Variants in ERBIN observed in about 807,000 individuals in gnomAD.
ERBIN encodes erbb2 interacting protein.
ERBIN carries 60 observed loss-of-function variants against 158.4 expected under a neutral mutation model. The ratio of observed to expected loss-of-function variants is 0.38; its 90% confidence interval spans 0.31 to 0.47. ERBIN has a LOEUF of 0.47. Ranked by LOEUF, ERBIN falls within the 20% of genes least tolerant of loss-of-function variation. The probability of loss-of-function intolerance (pLI) is 0.99; values close to 1 mark genes in which losing one functional copy is unlikely to be tolerated. For missense variants in ERBIN, 1,610 were observed against 1,648.0 expected, an observed-to-expected ratio of 0.98 and a Z score of 0.40; for synonymous variants, 594 against 557.2, an observed-to-expected ratio of 1.07 and a Z score of -0.93.
At chr5:65,996,560 TC>T (rs1251518288) in intron 4 of ERBIN, among the ~76,000 whole-genome samples, 1 of 152,158 alleles carries the variant, frequency 6.6e-6, no homozygotes, top group Non-Finnish European at 1.5e-5. Context: ...TATTGTGAAG[TC>T]GGGTGTGATG....
intron 14 of ERBIN, among the ~76,000 whole-genome samples, chr5:66,029,200 C>A (rs564411472): frequency 2.6e-5 from 4 of 152,000 alleles, no homozygotes; most frequent in African/African-American, 9.7e-5. Flanking sequence ...TATGATAGTT[C>A]CATTTTAAAT....
intron 1 of ERBIN, among the ~76,000 whole-genome samples, chr5:65,983,315 A>G (rs1750850487): frequency 6.6e-6 from 1 of 152,150 alleles, no homozygotes; most frequent in Non-Finnish European, 1.5e-5. Context: ...TATATGTTGT[A>G]GGCATATCAC....
intron 1 of ERBIN, among the ~76,000 whole-genome samples, chr5:65,931,819 CTTTTTTTT>C (rs36048820): frequency 1.5e-5 from 2 of 131,938 alleles, no homozygotes; most frequent in Non-Finnish European, 3.2e-5. Context: ...TCTTTTCTTT[CTTTTTTTT>C]TTTTTTTTTG....
chr5:65,958,090 C>T (rs909922824), intron 1 of ERBIN, among the ~76,000 whole-genome samples: 7 of 151,870 alleles, frequency 4.6e-5, no homozygotes, highest in African/African-American at 1.7e-4. Context: ...CTCCTTACTT[C>T]CTAGATGGGA....
Position 66,018,567 on chromosome 5 carries a change from T to TTATATATTATATATTA in ERBIN, c.534-2750_534-2749insATTATATATTATATAT, listed in dbSNP as rs370551332. Reference sequence around the variant, plus strand: ...TATATTATATATTATATAATATATATTATATTATATAATATATATTATATA... The same window carrying TTATATATTATATATTA: ...TATATTATATATTATATAATATATATTATATATTATATATTATATATTATATAATATATATTATATA... On this transcript the variant is annotated intron_variant, in intron 7 of 25. Transcript: ENST00000284037. Among the ~76,000 whole-genome samples the TTATATATTATATATTA allele has an allele frequency of 3.0e-4, 3 of 9,898 alleles. 1 individual carries two copies. The highest frequency in any genetic ancestry group is 8.7e-4 in the Non-Finnish European group (3 of 3,450). The allele number at this position is 9,898 out of a possible 152,430, so 6.5% of individuals were successfully genotyped here.
rs7356563 is a variant in ERBIN at position 66,076,708 on chromosome 5, A to T, written c.4057-167A>T. On this transcript the variant is annotated intron_variant, in intron 24 of 25. Transcript: ENST00000284037. The stretch of plus-strand genomic sequence containing the variant: ...AAGAGAAATCACTAAAGTCAGAATT[A>T]CTAGAGGTAAAAATAACTAGTTTGT... The T allele has an allele frequency of 5.8e-3, 3,592 of 622,460 alleles. 107 individuals are homozygous for T. The African/African-American group carries it at 0.061, about 11-fold the overall frequency. 38.6% of individuals were successfully genotyped at this position (622,460 alleles called of 1,614,324 possible). A position where few individuals can be genotyped will look rare whatever the true frequency, so the allele number is the denominator to read the frequency against.
chr5:65,965,899 C>A (rs1160406531), intron 1 of ERBIN, among the ~76,000 whole-genome samples: 2 of 152,174 alleles, frequency 1.3e-5, no homozygotes, highest in African/African-American at 4.8e-5. Flanking sequence ...TTAGTCATGC[C>A]TGTATCCTCT....
At chr5:65,983,427 T>G (rs1392600725) in intron 1 of ERBIN, among the ~76,000 whole-genome samples, 1 of 152,158 alleles carries the variant, frequency 6.6e-6, no homozygotes, top group African/African-American at 2.4e-5. Flanking sequence ...TTTTTTACTC[T>G]TCTTACCTTC....
intron 1 of ERBIN, among the ~76,000 whole-genome samples, chr5:65,964,603 T>C (rs1047177985): frequency 6.6e-6 from 1 of 152,222 alleles, no homozygotes; most frequent in Non-Finnish European, 1.5e-5. Flanking sequence ...CTGTGTATAA[T>C]GACAGCAATA....
chr5:66,027,067 A>G (rs1007018560), intron 13 of ERBIN, among the ~76,000 whole-genome samples: 9 of 151,994 alleles, frequency 5.9e-5, no homozygotes, highest in African/African-American at 2.2e-4. Flanking sequence ...CATACTAATG[A>G]TGATTAAACA....
At chr5:65,943,304 G>A (rs1035758801) in intron 1 of ERBIN, among the ~76,000 whole-genome samples, 5 of 152,228 alleles carry the variant, frequency 3.3e-5, no homozygotes, top group African/African-American at 1.2e-4. Context: ...CATTACCTAA[G>A]ATCAGATTAC....
chr5:65,987,013 T>G (rs1293045264), intron 1 of ERBIN, among the ~76,000 whole-genome samples: 1 of 152,206 alleles, frequency 6.6e-6, no homozygotes, highest in Non-Finnish European at 1.5e-5. Flanking sequence ...AGATACTGTG[T>G]ACACATACGA....
At chr5:66,032,609 C>T (rs1463349323) in intron 14 of ERBIN, among the ~76,000 whole-genome samples, 3 of 152,082 alleles carry the variant, frequency 2.0e-5, no homozygotes, top group Non-Finnish European at 4.4e-5. Context: ...TATGATCACA[C>T]TGATATTTTA....
chr5:65,927,207 T>G (rs1162313030), intron 1 of ERBIN, among the ~76,000 whole-genome samples: 1 of 152,174 alleles, frequency 6.6e-6, no homozygotes, highest in Admixed American at 6.5e-5. Flanking sequence ...AGTGAGTGAT[T>G]TGCTGTTATT....
chr5:66,077,734 TTC>T (rs1580564242), intron 25 of ERBIN, among the ~76,000 whole-genome samples: 1 of 150,720 alleles, frequency 6.6e-6, no homozygotes, highest in East Asian at 2.0e-4. Flanking sequence ...CTCCTCTTTC[TTC>T]TCTTTTTCTC....
chr5:65,941,391 G>A (rs2150884501), intron 1 of ERBIN, among the ~76,000 whole-genome samples: 1 of 151,354 alleles, frequency 6.6e-6, no homozygotes, highest in Middle Eastern at 3.5e-3. Context: ...ATTGTTTTAG[G>A]CATTATAAGT....
Position 66,075,076 on chromosome 5 carries a change from A to G in ERBIN, c.3809A>G (p.Tyr1270Cys). The change falls in exon 23 of 26, where the codon TAT becomes TGT. Residue 1270 changes from tyrosine (Y) to cysteine (C), a missense_variant. Tyr to Cys is a radical substitution (Grantham distance 194, BLOSUM62 -2). Coordinates refer to ENST00000284037, the MANE Select transcript of ERBIN (RefSeq NM_001253697.2). ...CAGCCTCTCAGGCCTCAGGCAAATT[A>G]TAGTCAAATACATCACCCCCCTCAG... ...MGQPLRPQAN[Y>C]SQIHHPPQAS... 1 of 1,614,176 alleles carries G rather than the reference A, an allele frequency of 6.2e-7. No homozygotes were observed. Among genetic ancestry groups the G allele is most frequent in the Non-Finnish European group, 8.5e-7 (1 of 1,180,024 alleles).
At chr5:66,005,537 G>A (rs1753489731) in intron 4 of ERBIN, among the ~76,000 whole-genome samples, 1 of 152,122 alleles carries the variant, frequency 6.6e-6, no homozygotes. Context: ...GAAGGCTAAA[G>A]AATGAGCCCT....
At chr5:65,964,054 C>T (rs1179749842) in intron 1 of ERBIN, among the ~76,000 whole-genome samples, 1 of 152,124 alleles carries the variant, frequency 6.6e-6, no homozygotes, top group Non-Finnish European at 1.5e-5. Flanking sequence ...CTGCATCGGC[C>T]TCCCAAAGTG....
Sources: gnomAD v4.1 joint callset for allele counts (sites outside exome capture counted in the v4.1 genomes callset) on GRCh38, gnomAD v4.1.1 for gene constraint, MANE v1.5 for transcripts, NCBI Gene and HGNC (gene_info 2026-07-23, HGNC 2026-07-21) for gene names.